The following U2SURP variants were observed in gnomAD, a reference collection of about 807,000 sequenced individuals.
U2SURP encodes the protein U2 snRNP-associated SURP motif-containing protein.
A neutral mutation model predicts 144.9 loss-of-function variants in U2SURP; 9 were observed. The observed-to-expected ratio is 0.06, with a 90% confidence interval of 0.04 to 0.11. The LOEUF is 0.11. U2SURP is among the 10% of genes least tolerant of loss of function. The pLI, the probability that U2SURP is intolerant of heterozygous loss-of-function variation, is 1.00. For missense variants in U2SURP, 724 were observed against 1,226.7 expected, an observed-to-expected ratio of 0.59 and a Z score of 6.12; for synonymous variants, 408 against 396.8, an observed-to-expected ratio of 1.03 and a Z score of -0.33.
At chr3:143,018,422 A>C (rs1284202805) in intron 6 of U2SURP, among the ~76,000 whole-genome samples, 13 of 152,076 alleles carry the variant, frequency 8.5e-5, no homozygotes, top group Admixed American at 8.5e-4. Context: ...TGGACATACC[A>C]TATATTGTTT....
At chr3:143,046,575 G>A (rs1358640908) in intron 24 of U2SURP, among the ~76,000 whole-genome samples, 25 of 105,096 alleles carry the variant, frequency 2.4e-4, no homozygotes, top group Middle Eastern at 4.0e-3. Context: ...ATCTTGCACC[G>A]CCCTTAATCC....
intron 24 of U2SURP, among the ~76,000 whole-genome samples, chr3:143,048,431 G>A (rs1399747054): frequency 3.3e-5 from 5 of 152,152 alleles, no homozygotes; most frequent in Middle Eastern, 3.2e-3. Flanking sequence ...TCTTGGTCAC[G>A]AGAGGCTTCA....
rs1234357727 is a variant in U2SURP, at chr3:143,028,370, T to C, written c.1410T>C (p.His470=). The C allele has an allele frequency of 1.2e-6, 2 of 1,612,894 alleles. No individual in the cohort carries two copies. Among genetic ancestry groups the C allele is most frequent in the East Asian group, 2.2e-5 (1 of 44,854 alleles). ...RFLFENQTPA[H]VYYRWKLYSI... is the part of the protein sequence containing the mutation. ...TATTTGAAAACCAGACACCAGCCCA[T>C]GTTTACTATAGGTGGAAGCTTTATT... The change falls in exon 15 of 28, where the codon CAT becomes CAC. Residue 470 remains histidine (H), a synonymous_variant. Coordinates refer to ENST00000473835, the MANE Select transcript of U2SURP (RefSeq NM_001080415.2).
chr3:143,045,617 A>G (rs994797530), intron 24 of U2SURP, among the ~76,000 whole-genome samples: 3 of 152,220 alleles, frequency 2.0e-5, no homozygotes, highest in African/African-American at 7.2e-5. Context: ...GTATACGTAT[A>G]TATGCGATAC....
chr3:143,054,732 A>G (rs113565273), intron 26 of U2SURP, among the ~76,000 whole-genome samples: 214 of 152,354 alleles, frequency 1.4e-3, no homozygotes, highest in African/African-American at 4.8e-3. Flanking sequence ...AGAAAATCCA[A>G]TTTAGTTGAA....
chr3:143,010,735 T>G lies in U2SURP; in HGVS notation c.46-80T>G, dbSNP rs1472601505. The stretch of plus-strand genomic sequence containing the variant: ...AAATTGCCAGAAGTTAGGAAACTCT[T>G]AAGTTTGTATAACACGAGAGACATG... On this transcript the variant is annotated intron_variant, in intron 1 of 27. Coordinates refer to ENST00000473835, the MANE Select transcript of U2SURP (RefSeq NM_001080415.2). The G allele has an allele frequency of 4.5e-6, 5 of 1,115,764 alleles. No homozygotes were observed. In the African/African-American group the frequency reaches 4.7e-5, roughly 11 times the overall value. The allele number at this position is 1,115,764 out of a possible 1,614,324, so 69.1% of individuals were successfully genotyped here. A position where few individuals can be genotyped will look rare whatever the true frequency, so the allele number is the denominator to read the frequency against.
chr3:143,047,004 C>T (rs1410444021), intron 24 of U2SURP, among the ~76,000 whole-genome samples: 2 of 139,980 alleles, frequency 1.4e-5, no homozygotes, highest in Non-Finnish European at 3.1e-5. Context: ...GGGGCTGACC[C>T]CCCCACCTCC....
At chr3:143,050,815 C>T in intron 24 of U2SURP, 124 bp from the exon 25 acceptor site, 1 of 602,406 alleles carries the variant, frequency 1.7e-6, no homozygotes, top group Non-Finnish European at 2.9e-6. Context: ...AAGTGGCCTT[C>T]AGGTGAGGTT....
At chr3:143,047,970 CCTTTT>C (rs1244670622) in intron 24 of U2SURP, among the ~76,000 whole-genome samples, 1 of 152,068 alleles carries the variant, frequency 6.6e-6, no homozygotes, top group African/African-American at 2.4e-5. Flanking sequence ...GCTGGAGTTT[CCTTTT>C]CTTATTCTAC....
chr3:143,007,128 A>G (rs1238803410), intron 1 of U2SURP, among the ~76,000 whole-genome samples: 3 of 152,102 alleles, frequency 2.0e-5, no homozygotes, highest in Non-Finnish European at 4.4e-5. Context: ...CATCAGAATG[A>G]TCTTTTTTCC....
At chr3:143,036,230 A>G in intron 20 of U2SURP, 126 bp downstream of exon 20, 1 of 1,078,360 alleles carries the variant, frequency 9.3e-7, no homozygotes. Context: ...GCTTACCATT[A>G]AGTAGTGGAT....
intron 23 of U2SURP, among the ~76,000 whole-genome samples, chr3:143,039,312 T>C (rs1933974312): frequency 6.6e-6 from 1 of 151,986 alleles, no homozygotes; most frequent in Admixed American, 6.6e-5. Context: ...TACTCCTTTC[T>C]TTTGGATTGT....
At chr3:143,012,521 A>T in intron 3 of U2SURP, 168 bp downstream of exon 3, 1 of 537,156 alleles carries the variant, frequency 1.9e-6, no homozygotes, top group Non-Finnish European at 2.9e-6. Flanking sequence ...TCATTTATGT[A>T]GGGACATCTT....
Position 143,060,389 on chromosome 3 carries a change from G to A in U2SURP, c.*3939G>A, listed in dbSNP as rs1457324810. The A allele has an allele frequency of 6.6e-6, 1 of 151,974 alleles. No homozygotes were observed. Among genetic ancestry groups the A allele is most frequent in the South Asian group, 2.1e-4 (1 of 4,836 alleles). The allele number at this position is 151,974 out of a possible 1,614,324, so 9.4% of individuals were successfully genotyped here. On this transcript the variant is annotated 3_prime_UTR_variant, in exon 28 of 28. Coordinates refer to ENST00000473835, the MANE Select transcript of U2SURP (RefSeq NM_001080415.2). Reference sequence around the variant, plus strand: ...ATTCTATAATTTACTTACTTTTAATGTAAGGATTAGATTTATTGTTGAGCT... The same window carrying A: ...ATTCTATAATTTACTTACTTTTAATATAAGGATTAGATTTATTGTTGAGCT...
chr3:143,041,219 A>G (rs112843994), intron 23 of U2SURP, among the ~76,000 whole-genome samples: 37 of 152,002 alleles, frequency 2.4e-4, no homozygotes, highest in African/African-American at 8.7e-4. Flanking sequence ...CCCTGTTTAC[A>G]TAAACACACA....
chr3:143,053,996 C>G (rs1374851138), intron 26 of U2SURP, among the ~76,000 whole-genome samples: 1 of 152,148 alleles, frequency 6.6e-6, no homozygotes, highest in African/African-American at 2.4e-5. Flanking sequence ...GGCATCATCC[C>G]TTCACATGGT....
At chr3:143,021,954 TATG>T (rs1239844734) in intron 10 of U2SURP, among the ~76,000 whole-genome samples, 2 of 152,218 alleles carry the variant, frequency 1.3e-5, no homozygotes, top group African/African-American at 4.8e-5. Context: ...TGCTGTTAAT[TATG>T]ATATGGGGAA....
Position 143,058,338 on chromosome 3 carries a change from C to G in U2SURP, c.*1888C>G, listed in dbSNP as rs1353516809. The G allele has an allele frequency of 6.6e-6, 1 of 151,786 alleles. No homozygotes were observed. Among genetic ancestry groups the G allele is most frequent in the East Asian group, 1.9e-4 (1 of 5,192 alleles). The allele number at this position is 151,786 out of a possible 1,614,324, so 9.4% of individuals were successfully genotyped here. ...TTATTTCTCTTCAAAAAAAGACATCCTGCGGGATTGAGTAGAAAATTTTAG... is the reference window on the plus strand; with the variant it reads ...TTATTTCTCTTCAAAAAAAGACATCGTGCGGGATTGAGTAGAAAATTTTAG... On this transcript the variant is annotated 3_prime_UTR_variant, in exon 28 of 28. Coordinates refer to ENST00000473835, the MANE Select transcript of U2SURP (RefSeq NM_001080415.2).
chr3:143,003,033 A>T (rs1408587659), intron 1 of U2SURP, among the ~76,000 whole-genome samples: 1 of 152,196 alleles, frequency 6.6e-6, no homozygotes, highest in Non-Finnish European at 1.5e-5. Flanking sequence ...CAAGTCGTGC[A>T]TAAGCCTCAC....
Sources: gnomAD v4.1 joint callset for allele counts (sites outside exome capture counted in the v4.1 genomes callset) on GRCh38, gnomAD v4.1.1 for gene constraint, MANE v1.5 for transcripts, NCBI Gene and HGNC (gene_info 2026-07-23, HGNC 2026-07-21) for gene names.